Variants in ITGA3 observed in about 807,000 individuals in gnomAD.
The protein encoded by ITGA3 is integrin alpha-3.
Under a neutral mutation model 131.1 loss-of-function variants are expected in ITGA3, and 70 were observed. That is an observed-to-expected ratio of 0.53 (90% CI 0.44 to 0.65). The LOEUF is 0.65. Ranked by LOEUF, ITGA3 falls within the 30% of genes least tolerant of loss-of-function variation. ITGA3 has a pLI of 0.00. For missense variants in ITGA3, 1,098 were observed against 1,388.6 expected (o/e 0.79, Z 3.33); for synonymous variants, 537 against 571.6 (o/e 0.94, Z 0.86).
At chr17:50,080,444 A>G in intron 22 of ITGA3, 69 bp downstream of exon 22, 2 of 846,916 alleles carry the variant, frequency 2.4e-6, no homozygotes, top group Non-Finnish European at 3.8e-6. Context: ...GGAGAGGGCG[A>G]GTCCAGGGTC....
Position 50,077,073 on chromosome 17 carries a change from G to A in ITGA3, c.2022G>A (p.Leu674=). The A allele has an allele frequency of 6.3e-7, 1 of 1,594,478 alleles. No individual in the cohort carries two copies. The highest frequency in any genetic ancestry group is 8.6e-7 in the Non-Finnish European group (1 of 1,169,170). Residue 674 remains leucine (L), a synonymous_variant, in exon 15 of 26, where the codon CTG becomes CTA. Transcript: ENST00000320031. The part of the protein sequence containing the change: ...ERSGEDAHEA[L]LTLVVPPALL... Reference sequence around the variant, plus strand: ...CCGGGGAGGACGCCCACGAGGCGCTGCTCACCCTGGTGGTGCCTCCCGCCC... The same window carrying A: ...CCGGGGAGGACGCCCACGAGGCGCTACTCACCCTGGTGGTGCCTCCCGCCC...
At chr17:50,086,516 C>G (rs560977653) in intron 23 of ITGA3, 8 of 144,000 alleles carry the variant, frequency 5.6e-5, no homozygotes, top group Admixed American at 2.1e-4. Flanking sequence ...TGGTGAAACC[C>G]TGTCTCTACT....
In ITGA3 at chr17:50,081,389, T is replaced by C. The variant is rs201674371; in HGVS notation, c.2900T>C (p.Met967Thr). 2.5e-5 allele frequency: 39 copies of C among 1,584,186 alleles called. No homozygotes were observed. The East Asian group carries it at 8.2e-4, about 33-fold the overall frequency. The change falls in exon 23 of 26, where the codon ATG (methionine) becomes ACG (threonine). Residue 967 changes from methionine (M) to threonine (T), a missense_variant. Around this residue, in one of 3 missense-constraint regions of ITGA3, gnomAD observed 699 missense variants for 829.2 expected, o/e 0.84. Transcript: ENST00000320031. ...CGAACCAGCATCCCCACCATCAACA[T>C]GGAGAACAAGACCACGTGGGTGAGT... is the stretch of plus-strand genomic sequence containing the variant. The part of the protein sequence containing the change: ...FLRTSIPTIN[M>T]ENKTTWFSVD...
chr17:50,057,805 T>C (rs12602815), intron 1 of ITGA3, among the ~76,000 whole-genome samples: 29,556 of 152,072 alleles, frequency 0.19, 3,807 homozygotes, highest in East Asian at 0.38. Flanking sequence ...CTTGAGGAAG[T>C]TTAGAATGTC....
At chr17:50,062,054 AAAG>A (rs1201604086) in intron 1 of ITGA3, among the ~76,000 whole-genome samples, 18 of 151,334 alleles carry the variant, frequency 1.2e-4, no homozygotes, top group Non-Finnish European at 2.4e-4. Context: ...AAAAAAAAAA[AAAG>A]AAAGAAAAAA....
intron 1 of ITGA3, among the ~76,000 whole-genome samples, chr17:50,062,051 A>G (rs1253364433): frequency 6.6e-6 from 1 of 151,582 alleles, no homozygotes; most frequent in East Asian, 1.9e-4. Flanking sequence ...AAAAAAAAAA[A>G]AAAAAGAAAG....
intron 3 of ITGA3, chr17:50,065,548 C>G (rs956360223): frequency 2.0e-5 from 3 of 152,228 alleles, no homozygotes; most frequent in African/African-American, 7.2e-5. Context: ...GAATGTGTTG[C>G]TTTGATGTCA....
In ITGA3 at chr17:50,074,329, TC is replaced by T. The variant is rs375994775; in HGVS notation, c.1382+50del. 5.0e-6 allele frequency: 8 copies of T among 1,608,020 alleles called. No homozygotes were observed. In the African/African-American group the frequency reaches 8.0e-5, roughly 16 times the overall value. ...AGGGTCTTTCTCTTCTTCATCTTTG[TC>T]TGCACAGATTCCCATCTGTGTCCAT... is the stretch of plus-strand genomic sequence containing the variant. On this transcript the variant is annotated intron_variant, in intron 9 of 25. Transcript: ENST00000320031.
At chr17:50,085,427 C>T (rs955083816) in intron 23 of ITGA3, among the ~76,000 whole-genome samples, 2 of 151,272 alleles carry the variant, frequency 1.3e-5, no homozygotes, top group Non-Finnish European at 2.9e-5. Context: ...CACTTTGGGA[C>T]GTCGAGGCAG....
Position 50,079,153 on chromosome 17 carries a change from T to C in ITGA3, c.2478T>C (p.Asn826=). The C allele has an allele frequency of 6.2e-7, 1 of 1,613,918 alleles. No individual in the cohort carries two copies. The highest frequency in any genetic ancestry group is 8.5e-7 in the Non-Finnish European group (1 of 1,179,930). Residue 826 remains asparagine (N), a synonymous_variant, in exon 20 of 26, where the codon AAT becomes AAC. Transcript: ENST00000320031. ...TGGAGTGGCCCTACGAAGTCAGCAATGGCAAGTGGCTGCTGTATCCCACGG... is the reference window on the plus strand; with the variant it reads ...TGGAGTGGCCCTACGAAGTCAGCAACGGCAAGTGGCTGCTGTATCCCACGG... The part of the protein sequence containing the change: ...LGLEWPYEVS[N]GKWLLYPTEI...
Position 50,073,968 on chromosome 17 carries a change from C to T in ITGA3, c.1209C>T (p.His403=), listed in dbSNP as rs766380198. The part of the protein sequence containing the change: ...FEGLGKVYIY[H]SSSKGLLRQP... ...GCTTGGGCAAAGTGTACATCTATCA[C>T]AGTAGCTCTAAGGGGCTCCTTAGAC... Residue 403 remains histidine (H), a synonymous_variant, in exon 8 of 26, where the codon CAC becomes CAT. Coordinates refer to ENST00000320031, the MANE Select transcript of ITGA3 (RefSeq NM_002204.4). 5 of 1,614,058 alleles carry T rather than the reference C, an allele frequency of 3.1e-6. No individual in the cohort carries two copies. In the South Asian group the frequency reaches 4.4e-5, roughly 14 times the overall value.
rs138622747 is a variant in ITGA3 at position 50,071,318 on chromosome 17, G to C, written c.759G>C (p.Thr253=). The change falls in exon 6 of 26, where the codon ACG becomes ACC. Residue 253 remains threonine (T), a synonymous_variant. Transcript: ENST00000320031. ...EDQGNLYIGY[T]MQVGSFILHP... Reference sequence around the variant, plus strand: ...ATCTTCCCTCTATCCCAGGGTACACGATGCAGGTAGGCAGCTTCATCCTGC... The same window carrying C: ...ATCTTCCCTCTATCCCAGGGTACACCATGCAGGTAGGCAGCTTCATCCTGC... 5.0e-6 allele frequency: 8 copies of C among 1,613,782 alleles called. No homozygotes were observed. The African/African-American group carries it at 5.3e-5, about 11-fold the overall frequency.
At position 50,074,210 on chromosome 17, in the gene ITGA3, A is replaced by T; in HGVS notation, c.1312A>T (p.Met438Leu). 1.2e-6 allele frequency: 2 copies of T among 1,614,200 alleles called. No individual in the cohort carries two copies. Among genetic ancestry groups the T allele is most frequent in the Admixed American group, 1.7e-5 (1 of 60,028 alleles). Residue 438 changes from methionine (M) to leucine (L), a missense_variant, in exon 9 of 26, where the codon ATG becomes TTG. Met to Leu is a conservative substitution (Grantham distance 15). This residue lies in a region of ITGA3 where 699 missense variants were observed against 829.2 expected (regional missense o/e 0.84). Coordinates refer to ENST00000320031, the MANE Select transcript of ITGA3 (RefSeq NM_002204.4). ...CTTCGGCTATTCCCTCAGTGGGCAG[A>T]TGGATGTGGATGAGAACTTCTACCC... ...ATFGYSLSGQ[M>L]DVDENFYPDL...
chr17:50,078,105 G>T lies in ITGA3; in HGVS notation c.2199G>T (p.Gln733His), dbSNP rs773294963. 8.1e-6 allele frequency: 13 copies of T among 1,613,806 alleles called. No homozygotes were observed. Among genetic ancestry groups the T allele is most frequent in the Non-Finnish European group, 1.1e-5 (13 of 1,179,732 alleles). ...IGVTLHTRDL[Q>H]VQLQLSTSSH... ...TGACCCTGCACACAAGGGACCTTCA[G>T]GTGCAGCTGCAGCTCTCCACGTGAG... Residue 733 changes from glutamine to histidine, a missense_variant, in exon 17 of 26, where the codon CAG (glutamine) becomes CAT (histidine). By Grantham distance (24) the Gln-to-His change is conservative. Coordinates refer to ENST00000320031, the MANE Select transcript of ITGA3 (RefSeq NM_002204.4).
rs1266974840 is a variant in ITGA3, at chr17:50,090,094, C to T, written c.*1016C>T. On this transcript the variant is annotated 3_prime_UTR_variant, in exon 26 of 26. Transcript: ENST00000320031. ...GCCACTTCTCACTCACCACTACCAGCCAGCCTCAGAAGGCCCCAGAGAGAC... is the reference window on the plus strand; with the variant it reads ...GCCACTTCTCACTCACCACTACCAGTCAGCCTCAGAAGGCCCCAGAGAGAC... The T allele has an allele frequency of 1.1e-5, 4 of 350,636 alleles. No homozygotes were observed. Among genetic ancestry groups the T allele is most frequent in the Non-Finnish European group, 2.4e-5 (4 of 169,810 alleles). The allele number at this position is 350,636 out of a possible 1,614,324, so 21.7% of individuals were successfully genotyped here.
chr17:50,077,143 C>A (rs753943660), intron 15 of ITGA3, 22 bp downstream of exon 15: 1 of 1,524,006 alleles, frequency 6.6e-7, no homozygotes, highest in African/African-American at 1.4e-5. Flanking sequence ...CCGGCCGGCT[C>A]AGAGCCCAAG....
chr17:50,080,199 G>A (rs1909119411), intron 21 of ITGA3, 63 bp from the exon 22 acceptor site: 1 of 1,018,636 alleles, frequency 9.8e-7, no homozygotes, highest in Non-Finnish European at 1.5e-6. Flanking sequence ...GAGGTAAGGA[G>A]CAAGGCATGA....
At position 50,074,452 on chromosome 17, in the gene ITGA3, C is replaced by T. The variant is rs797044989; in HGVS notation, c.1387C>T (p.Arg463Trp). 5.0e-6 allele frequency: 8 copies of T among 1,613,878 alleles called. No homozygotes were observed. Among genetic ancestry groups the T allele is most frequent in the Admixed American group, 3.3e-5 (2 of 60,020 alleles). Residue 463 changes from arginine (R) to tryptophan (W), a missense_variant, in exon 10 of 26, where the codon CGG becomes TGG. Coordinates refer to ENST00000320031, the MANE Select transcript of ITGA3 (RefSeq NM_002204.4). The stretch of plus-strand genomic sequence containing the variant: ...CTGGCTCTGTTGTCTCTGCAGGGCC[C>T]GGCCCGTCATCAACATCGTCCACAA... ...LSDHIVLLRARPVINIVHKTL... is the reference protein window; with the variant it reads ...LSDHIVLLRAWPVINIVHKTL...
chr17:50,082,966 A>C (rs1218640370), intron 23 of ITGA3, among the ~76,000 whole-genome samples: 2 of 152,224 alleles, frequency 1.3e-5, no homozygotes, highest in African/African-American at 4.8e-5. Context: ...ATTGCTAATA[A>C]TTTGTTGTGA....
Sources: allele counts gnomAD v4.1 joint callset (sites outside exome capture counted in the v4.1 genomes callset), GRCh38; gene constraint gnomAD v4.1.1; regional missense constraint gnomAD v4.1.1; transcripts MANE v1.5; gene names NCBI Gene and HGNC (gene_info 2026-07-23, HGNC 2026-07-21).